The following MAP2K1 variants were observed in gnomAD, a reference collection of about 807,000 sequenced individuals.
MAP2K1 encodes dual specificity mitogen-activated protein kinase kinase 1.
MAP2K1 carries 16 observed loss-of-function variants against 46.3 expected under a neutral mutation model. The observed-to-expected ratio is 0.35, with a 90% CI of 0.23 to 0.52. MAP2K1 has a LOEUF of 0.52. Among genes scored for constraint, MAP2K1 ranks in the 20% least tolerant of loss-of-function variants. MAP2K1 has a pLI of 0.94. For missense variants in MAP2K1, 263 were observed against 497.1 expected, an observed-to-expected ratio of 0.53 and a Z score of 4.48; for synonymous variants, 183 against 185.6, an observed-to-expected ratio of 0.99 and a Z score of 0.11.
At chr15:66,430,515 T>G (rs2093472615) in intron 1 of MAP2K1, among the ~76,000 whole-genome samples, 1 of 152,046 alleles carries the variant, frequency 6.6e-6, no homozygotes, top group Admixed American at 6.6e-5. Context: ...CCCCCCTACC[T>G]CCTCCTGTCA....
At chr15:66,470,297 T>C (rs1892601867) in intron 5 of MAP2K1, among the ~76,000 whole-genome samples, 1 of 152,026 alleles carries the variant, frequency 6.6e-6, no homozygotes, top group Non-Finnish European at 1.5e-5. Flanking sequence ...AGAGCTCTAA[T>C]GGTAAGGAGA....
At chr15:66,453,882 T>G (rs1892097863) in intron 5 of MAP2K1, among the ~76,000 whole-genome samples, 1 of 152,208 alleles carries the variant, frequency 6.6e-6, no homozygotes, top group Non-Finnish European at 1.5e-5. Context: ...CACTATAGCC[T>G]TGGCCTCCTA....
intron 1 of MAP2K1, among the ~76,000 whole-genome samples, chr15:66,396,995 CTTTTTTTTTTTT>C (rs57043037): frequency 0.038 from 1,509 of 39,364 alleles, 49 homozygotes; most frequent in African/African-American, 0.14. Context: ...TGTAACGCTT[CTTTTTTTTTTTT>C]TTTTTTTTTT....
intron 9 of MAP2K1, 66 bp from the exon 10 acceptor site, chr15:66,489,652 A>G: frequency 8.2e-7 from 1 of 1,221,856 alleles, no homozygotes; most frequent in Non-Finnish European, 1.2e-6. Flanking sequence ...ACAGGCATGC[A>G]AACATGTTAT....
In MAP2K1 at chr15:66,472,299, G is replaced by A. The variant is rs532949584; in HGVS notation, c.569-9456G>A. Among the ~76,000 whole-genome samples, 186 of 114,492 alleles carry A rather than the reference G, an allele frequency of 1.6e-3. 2 individuals are homozygous for A. Among genetic ancestry groups the A allele is most frequent in the Admixed American group, 0.014 (175 of 12,230 alleles). The allele number at this position is 114,492 out of a possible 152,430, so 75.1% of individuals were successfully genotyped here. On this transcript the variant is annotated intron_variant, in intron 5 of 10. Transcript: ENST00000307102. ...AGCCTGGGCGACAGTGTGAGACTTC[G>A]TCTCAAAAAAAAAAAAAAATGCTGT...
chr15:66,444,934 T>A (rs1429701930), intron 5 of MAP2K1: 19 of 542,750 alleles, frequency 3.5e-5, no homozygotes, highest in Middle Eastern at 5.0e-4. Flanking sequence ...ATAGTCATAG[T>A]CACCCTGGAA....
At chr15:66,394,389 A>T (rs185666825) in intron 1 of MAP2K1, among the ~76,000 whole-genome samples, 1 of 135,980 alleles carries the variant, frequency 7.4e-6, no homozygotes, top group Admixed American at 7.2e-5. Context: ...AAAGGTTGAG[A>T]CAGGTTGATG....
intron 1 of MAP2K1, among the ~76,000 whole-genome samples, chr15:66,402,850 A>G (rs2140527645): frequency 6.6e-6 from 1 of 152,318 alleles, no homozygotes; most frequent in East Asian, 1.9e-4. Flanking sequence ...TAGATATTTT[A>G]TAGCTGTCTC....
In MAP2K1 at chr15:66,420,817, GTA is replaced by G. The variant is rs1221728903; in HGVS notation, c.81-14200_81-14199del. ...TGTATATATATGTGTATATATATGT[GTA>G]TATATATATGTGTATATATATGTGT... On this transcript the variant is annotated intron_variant, in intron 1 of 10. Transcript: ENST00000307102. 1.8e-3 allele frequency among the ~76,000 whole-genome samples: 173 copies of G among 94,716 alleles called. 35 individuals are homozygous for G. The highest frequency in any genetic ancestry group is 6.9e-3 in the Middle Eastern group (1 of 144). 62.1% of individuals were successfully genotyped at this position (94,716 alleles called of 152,430 possible). A position where few individuals can be genotyped will look rare whatever the true frequency, so the allele number is the denominator to read the frequency against.
At chr15:66,490,430 A>G (rs1893214028) in intron 10 of MAP2K1, 72 bp from the exon 11 acceptor site, 1 of 1,134,746 alleles carries the variant, frequency 8.8e-7, no homozygotes, top group Middle Eastern at 1.9e-4. Context: ...AAACTCTTGG[A>G]TTTTCCTTCC....
At chr15:66,446,229 A>G (rs1259921012) in intron 5 of MAP2K1, among the ~76,000 whole-genome samples, 1 of 152,058 alleles carries the variant, frequency 6.6e-6, no homozygotes, top group African/African-American at 2.4e-5. Context: ...AAAACAAACA[A>G]ACAAACAAAA....
chr15:66,429,490 G>A (rs555670773), intron 1 of MAP2K1, among the ~76,000 whole-genome samples: 4 of 152,084 alleles, frequency 2.6e-5, no homozygotes, highest in Admixed American at 6.5e-5. Flanking sequence ...TACTCTTTTC[G>A]TGCCTGGCTT....
chr15:66,449,388 A>T (rs1891973567), intron 5 of MAP2K1, among the ~76,000 whole-genome samples: 1 of 152,216 alleles, frequency 6.6e-6, no homozygotes, highest in Non-Finnish European at 1.5e-5. Flanking sequence ...AGAGCCTGCT[A>T]ATACGAAATT....
chr15:66,455,810 C>T (rs758739431), intron 5 of MAP2K1, among the ~76,000 whole-genome samples: 4 of 152,152 alleles, frequency 2.6e-5, no homozygotes, highest in Non-Finnish European at 5.9e-5. Context: ...GTCCCAGTGC[C>T]GAAGCTCTGG....
At chr15:66,446,219 AAAAC>A (rs796892722) in intron 5 of MAP2K1, among the ~76,000 whole-genome samples, 33 of 151,942 alleles carry the variant, frequency 2.2e-4, no homozygotes, top group South Asian at 6.2e-4. Flanking sequence ...ACTCCGTCTC[AAAAC>A]AAACAAACAA....
At chr15:66,461,645 A>C (rs1892324675) in intron 5 of MAP2K1, among the ~76,000 whole-genome samples, 1 of 152,090 alleles carries the variant, frequency 6.6e-6, no homozygotes, top group South Asian at 2.1e-4. Flanking sequence ...AAACATTTCA[A>C]AGTTTATTGT....
intron 1 of MAP2K1, chr15:66,401,931 GA>G (rs760607376): frequency 1.1e-5 from 15 of 1,322,042 alleles, no homozygotes; most frequent in Admixed American, 6.6e-5. Flanking sequence ...CGGGTCGAAG[GA>G]AATGAAGCTG....
chr15:66,463,881 C>T (rs1208398422), intron 5 of MAP2K1, among the ~76,000 whole-genome samples: 1 of 152,208 alleles, frequency 6.6e-6, no homozygotes, highest in Non-Finnish European at 1.5e-5. Flanking sequence ...CAGCTCAAAG[C>T]AGGGAGGAGG....
rs1279692892 is a variant in MAP2K1 at position 66,454,023 on chromosome 15, A to G, written c.568+9316A>G. On this transcript the variant is annotated intron_variant, in intron 5 of 10. Coordinates refer to ENST00000307102, the MANE Select transcript of MAP2K1 (RefSeq NM_002755.4). ...GCTCCAAAACTTAGTAGTTTAAAAT[A>G]ATAATTTATTACCTTACACAGTTTA... Among the ~76,000 whole-genome samples, 5 of 152,212 alleles carry G rather than the reference A, an allele frequency of 3.3e-5. No individual in the cohort carries two copies. In the East Asian group the frequency reaches 9.6e-4, roughly 29 times the overall value.
Sources: gnomAD v4.1 joint callset for allele counts (sites outside exome capture counted in the v4.1 genomes callset) on GRCh38, gnomAD v4.1.1 for gene constraint, MANE v1.5 for transcripts, NCBI Gene and HGNC (gene_info 2026-07-23, HGNC 2026-07-21) for gene names.